Variants in AFAP1L1 observed in about 807,000 individuals in gnomAD.
AFAP1L1 encodes the protein actin filament-associated protein 1-like 1.
A neutral mutation model predicts 99.8 loss-of-function variants in AFAP1L1; 77 were observed. The observed-to-expected ratio is 0.77, with a 90% CI of 0.64 to 0.93. AFAP1L1 has a LOEUF of 0.93. AFAP1L1 is among the 40% of genes least tolerant of loss of function. The pLI is 0.00. For synonymous variants in AFAP1L1, 373 were observed against 395.3 expected, an observed-to-expected ratio of 0.94 and a Z score of 0.67; for missense variants, 893 against 996.8, an observed-to-expected ratio of 0.90 and a Z score of 1.40.
intron 1 of AFAP1L1, among the ~76,000 whole-genome samples, chr5:149,295,527 A>AGAG (rs1755988512): frequency 4.6e-5 from 7 of 151,696 alleles, no homozygotes; most frequent in Admixed American, 3.3e-4. Flanking sequence ...AAAAGAAAGA[A>AGAG]AGACAGAAGG....
At position 149,320,468 on chromosome 5, in the gene AFAP1L1, A is replaced by T. The variant is rs79225629; in HGVS notation, c.1698+5A>T. On this transcript the variant is annotated splice_donor_5th_base_variant and intron_variant, in intron 14 of 18. Coordinates refer to ENST00000296721, the MANE Select transcript of AFAP1L1 (RefSeq NM_152406.4). The surrounding 1 kb of genome is among the most constrained non-coding windows in gnomAD (Gnocchi z 4.0). Reference sequence around the variant, plus strand: ...GTTCCTTATGAAAAGATGCAGGTACAGTCCCTTGGGGCTGCCCAGGAATGT... The same window carrying T: ...GTTCCTTATGAAAAGATGCAGGTACTGTCCCTTGGGGCTGCCCAGGAATGT... The T allele has an allele frequency of 5.6e-3, 9,018 of 1,614,152 alleles. 344 individuals carry two copies. The East Asian group carries it at 0.11, about 20-fold the overall frequency.
intron 1 of AFAP1L1, among the ~76,000 whole-genome samples, chr5:149,293,296 C>A (rs1020289085): frequency 1.1e-4 from 16 of 152,168 alleles, no homozygotes; most frequent in African/African-American, 3.4e-4. Context: ...TTAGAAATTT[C>A]CCCCAGAGGC....
At chr5:149,308,740 C>T (rs1434286063) in intron 7 of AFAP1L1, among the ~76,000 whole-genome samples, 1 of 152,088 alleles carries the variant, frequency 6.6e-6, no homozygotes, top group Non-Finnish European at 1.5e-5. Context: ...GGACCTCAAG[C>T]ACAATGCAAA....
chr5:149,272,122 G>A (rs941229533), intron 1 of AFAP1L1, 138 bp downstream of exon 1: 7 of 942,292 alleles, frequency 7.4e-6, no homozygotes, highest in Non-Finnish European at 9.6e-6. Flanking sequence ...GGGACTGGGA[G>A]ACGCGGCGCT....
At chr5:149,287,650 C>T (rs1275985393) in intron 1 of AFAP1L1, among the ~76,000 whole-genome samples, 1 of 151,946 alleles carries the variant, frequency 6.6e-6, no homozygotes, top group Non-Finnish European at 1.5e-5. Context: ...GGGGTGCAAT[C>T]TTGGCTCATG....
chr5:149,303,886 C>A (rs1756315152), intron 5 of AFAP1L1, among the ~76,000 whole-genome samples: 1 of 152,126 alleles, frequency 6.6e-6, no homozygotes, highest in Non-Finnish European at 1.5e-5. Context: ...TAAGATTAAC[C>A]ATTTCCACCA....
At chr5:149,272,905 A>G (rs939606743) in intron 1 of AFAP1L1, among the ~76,000 whole-genome samples, 8 of 151,974 alleles carry the variant, frequency 5.3e-5, no homozygotes, top group Admixed American at 2.6e-4. Flanking sequence ...GTTTCACCAT[A>G]TTGGCCAGGC....
Position 149,340,273 on chromosome 5 carries a change from G to A in AFAP1L1, c.*243G>A. 2.0e-6 allele frequency: 1 copy of A among 493,040 alleles called. No individual in the cohort carries two copies. Among genetic ancestry groups the A allele is most frequent in the Non-Finnish European group, 3.7e-6 (1 of 271,156 alleles). The allele number at this position is 493,040 out of a possible 1,614,324, so 30.5% of individuals were successfully genotyped here. A position where few individuals can be genotyped will look rare whatever the true frequency, so the allele number is the denominator to read the frequency against. On this transcript the variant is annotated 3_prime_UTR_variant, in exon 19 of 19. Coordinates refer to ENST00000296721, the MANE Select transcript of AFAP1L1 (RefSeq NM_152406.4). ...ACAAAGGGTGGAAATGAGGATGGAGGGATACAGAAGTCTGCACAGCTGTAA... is the reference window on the plus strand; with the variant it reads ...ACAAAGGGTGGAAATGAGGATGGAGAGATACAGAAGTCTGCACAGCTGTAA...
In AFAP1L1 at chr5:149,320,254, T is replaced by C. The variant is rs1378934732; in HGVS notation, c.1626-137T>C. 2 of 777,426 alleles carry C rather than the reference T, an allele frequency of 2.6e-6. No homozygotes were observed. Among genetic ancestry groups the C allele is most frequent in the Non-Finnish European group, 4.3e-6 (2 of 466,026 alleles). The allele number at this position is 777,426 out of a possible 1,614,324, so 48.2% of individuals were successfully genotyped here. On this transcript the variant is annotated intron_variant, in intron 13 of 18. Coordinates refer to ENST00000296721, the MANE Select transcript of AFAP1L1 (RefSeq NM_152406.4). The surrounding 1 kb of genome is among the most constrained non-coding windows in gnomAD (Gnocchi z 4.0). The stretch of plus-strand genomic sequence containing the variant: ...ACACAGCCCATGACACAATGCTGCC[T>C]GCCATCTTGCTTTTACCAATCTTCT...
intron 1 of AFAP1L1, among the ~76,000 whole-genome samples, chr5:149,296,720 A>T (rs1202501712): frequency 1.3e-5 from 2 of 152,242 alleles, no homozygotes; most frequent in Non-Finnish European, 2.9e-5. Flanking sequence ...GTTAACCAAC[A>T]TTTAGTGTAT....
chr5:149,316,342 T>C (rs749634030), intron 11 of AFAP1L1, 39 bp downstream of exon 11: 3 of 1,597,400 alleles, frequency 1.9e-6, no homozygotes, highest in Non-Finnish European at 2.6e-6. Flanking sequence ...GCTCAGGTCC[T>C]GTGTGCGCGG....
chr5:149,290,387 C>T (rs987766017), intron 1 of AFAP1L1, among the ~76,000 whole-genome samples: 24 of 152,290 alleles, frequency 1.6e-4, no homozygotes, highest in African/African-American at 5.8e-4. Context: ...TGTGTCGGGG[C>T]CTGTTCCCGC....
intron 10 of AFAP1L1, 105 bp downstream of exon 10, chr5:149,316,019 G>C: frequency 6.3e-7 from 1 of 1,579,828 alleles, no homozygotes; most frequent in Non-Finnish European, 8.7e-7. Flanking sequence ...GTAGACCTGG[G>C]TAAGGTGACC....
At chr5:149,291,473 C>T (rs1755853260) in intron 1 of AFAP1L1, among the ~76,000 whole-genome samples, 1 of 129,450 alleles carries the variant, frequency 7.7e-6, no homozygotes, top group Non-Finnish European at 1.5e-5. Context: ...TTGCAGTGAG[C>T]CGAGATCGCA....
chr5:149,317,056 T>C (rs1234237838), intron 11 of AFAP1L1, among the ~76,000 whole-genome samples: 1 of 152,032 alleles, frequency 6.6e-6, no homozygotes, highest in Non-Finnish European at 1.5e-5. Flanking sequence ...TCCCAGCTAC[T>C]TGGGAGGCTG....
At chr5:149,310,166 T>C in intron 8 of AFAP1L1, 31 bp downstream of exon 8, 1 of 1,540,810 alleles carries the variant, frequency 6.5e-7, no homozygotes, top group Non-Finnish European at 8.7e-7. Flanking sequence ...CTTCCCGCCT[T>C]CTCACCCTTT....
chr5:149,317,120 G>C lies in AFAP1L1; in HGVS notation c.1268-609G>C, dbSNP rs189938716. Among the ~76,000 whole-genome samples the C allele has an allele frequency of 3.9e-3, 600 of 152,320 alleles. 1 individual carries two copies. Among genetic ancestry groups the C allele is most frequent in the African/African-American group, 0.014 (582 of 41,568 alleles). On this transcript the variant is annotated intron_variant, in intron 11 of 18. Transcript: ENST00000296721. ...GTTGAGGCTGCAGTGAGCCGTGATA[G>C]AGACACTGTATTCCAGCCTGGCTGA...
At chr5:149,287,752 G>GTTT (rs57835099) in intron 1 of AFAP1L1, among the ~76,000 whole-genome samples, 3 of 130,282 alleles carry the variant, frequency 2.3e-5, no homozygotes, top group Non-Finnish European at 3.4e-5. Flanking sequence ...TTTTTTTGGT[G>GTTT]TTTTTTTTTT....
rs919247087 is a variant in AFAP1L1 at position 149,341,544 on chromosome 5, T to G, written c.*1514T>G. On this transcript the variant is annotated 3_prime_UTR_variant, in exon 19 of 19. Coordinates refer to ENST00000296721, the MANE Select transcript of AFAP1L1 (RefSeq NM_152406.4). ...TTGTTGGGAAGATTTAATAAGATAA[T>G]ATATAGTAGGCATCTTGCATAGTGT... 7.2e-5 allele frequency: 11 copies of G among 152,224 alleles called. No individual in the cohort carries two copies. The highest frequency in any genetic ancestry group is 2.7e-4 in the African/African-American group (11 of 41,460). 9.4% of individuals were successfully genotyped at this position (152,224 alleles called of 1,614,324 possible). A position where few individuals can be genotyped will look rare whatever the true frequency, so the allele number is the denominator to read the frequency against.
Sources: allele counts gnomAD v4.1 joint callset (sites outside exome capture counted in the v4.1 genomes callset), GRCh38; gene constraint gnomAD v4.1.1; non-coding constraint Gnocchi (gnomAD v3.1); transcripts MANE v1.5; gene names NCBI Gene and HGNC (gene_info 2026-07-23, HGNC 2026-07-21).